SDAD1: variants seen among roughly 807,000 people sequenced by gnomAD.
SDAD1 encodes the protein protein SDA1 homolog.
SDAD1 carries 79 observed loss-of-function variants against 100.3 expected under a neutral mutation model. The ratio of observed to expected loss-of-function variants is 0.79; its 90% CI spans 0.66 to 0.95. The LOEUF (loss-of-function observed/expected upper bound fraction) is 0.95. SDAD1 is among the 40% of genes least tolerant of loss of function. The pLI is 0.00. For synonymous variants in SDAD1, 267 were observed against 271.4 expected (o/e 0.98, Z 0.16); for missense variants, 790 against 810.9 (o/e 0.97, Z 0.31).
At chr4:75,974,017 T>C (rs1275567434) in intron 7 of SDAD1, 59 bp downstream of exon 7, 3 of 1,418,576 alleles carry the variant, frequency 2.1e-6, no homozygotes, top group East Asian at 2.3e-5. Flanking sequence ...TTCTTCTAAC[T>C]GCATGCAGAA....
chr4:75,960,572 T>C (rs1303025662), intron 16 of SDAD1, among the ~76,000 whole-genome samples: 1 of 152,222 alleles, frequency 6.6e-6, no homozygotes, highest in Non-Finnish European at 1.5e-5. Flanking sequence ...CTTGTTGTGT[T>C]TTGATCTAGA....
chr4:75,965,948 AT>A, intron 12 of SDAD1, 126 bp from the exon 13 acceptor site: 1 of 692,934 alleles, frequency 1.4e-6, no homozygotes, highest in Middle Eastern at 2.7e-4. Flanking sequence ...GGAACACTCA[AT>A]CCCCAGATAT....
chr4:75,979,778 A>G (rs1730389757), intron 3 of SDAD1, among the ~76,000 whole-genome samples: 1 of 151,958 alleles, frequency 6.6e-6, no homozygotes, highest in South Asian at 2.1e-4. Flanking sequence ...TTTTTTAAAA[A>G]CCTACTAATC....
intron 14 of SDAD1, among the ~76,000 whole-genome samples, chr4:75,963,907 G>C: frequency 6.6e-6 from 1 of 152,108 alleles, no homozygotes; most frequent in Non-Finnish European, 1.5e-5. Flanking sequence ...AAGTAAAACT[G>C]CTAAAAAACA....
At chr4:75,980,558 G>A (rs1730443564) in intron 3 of SDAD1, among the ~76,000 whole-genome samples, 1 of 150,942 alleles carries the variant, frequency 6.6e-6, no homozygotes, top group South Asian at 2.1e-4. Flanking sequence ...ATTTGTTGGG[G>A]GTATGATCTC....
rs1158038278 is a variant in SDAD1, at chr4:75,971,727, C to G, written c.712-269G>C. Among the ~76,000 whole-genome samples, 7 of 152,158 alleles carry G rather than the reference C, an allele frequency of 4.6e-5. No homozygotes were observed. In the East Asian group the frequency reaches 7.8e-4, roughly 17 times the overall value. On this transcript the variant is annotated intron_variant, in intron 8 of 21. Coordinates refer to ENST00000356260, the MANE Select transcript of SDAD1 (RefSeq NM_018115.4). ...CTCTACTAAAAATACAAATACTTAG[C>G]TGGGCTTGGTGGTGCACACCTGTAA...
chr4:75,975,764 T>G lies in SDAD1; in HGVS notation c.558A>C (p.Glu186Asp). 6.2e-7 allele frequency: 1 copy of G among 1,612,812 alleles called. No individual in the cohort carries two copies. The highest frequency in any genetic ancestry group is 8.5e-7 in the Non-Finnish European group (1 of 1,178,920). The change falls in exon 6 of 22, where the codon GAA (glutamate) becomes GAC (aspartate). Residue 186 changes from glutamate to aspartate, a missense_variant. Glu to Asp is a conservative substitution (Grantham distance 45, BLOSUM62 2). Transcript: ENST00000356260. ...ACTACCAGATGTTCCTTCTGTAGAG[T>G]TCAATCATTACATCTAAAGACATCT... ...AAKMSLDVMI[E>D]LYRRNIWNDA... is the part of the protein sequence containing the mutation.
chr4:75,969,267 C>A (rs1263930382), intron 11 of SDAD1, 29 bp downstream of exon 11: 2 of 1,540,356 alleles, frequency 1.3e-6, no homozygotes, highest in Non-Finnish European at 8.9e-7. Context: ...TTCAAATATT[C>A]ACCAAGAGAA....
In SDAD1 at chr4:75,954,107, G is replaced by A. The variant is rs1012394828; in HGVS notation, c.2016+1868C>T. Reference sequence around the variant, plus strand: ...AGTACCCACGCCTGGGGCCAGGCGCGGTAGTAGCTCACGCCTGTAATCCCA... The same window carrying A: ...AGTACCCACGCCTGGGGCCAGGCGCAGTAGTAGCTCACGCCTGTAATCCCA... On this transcript the variant is annotated intron_variant, in intron 21 of 21. Transcript: ENST00000356260. Among the ~76,000 whole-genome samples the A allele has an allele frequency of 1.6e-4, 25 of 152,080 alleles. No individual in the cohort carries two copies. The South Asian group carries it at 4.6e-3, about 28-fold the overall frequency.
intron 1 of SDAD1, among the ~76,000 whole-genome samples, 200 bp from the exon 2 acceptor site, chr4:75,982,237 T>A (rs1433573292): frequency 6.6e-6 from 1 of 152,230 alleles, no homozygotes; most frequent in Non-Finnish European, 1.5e-5. Context: ...ACATCACAGA[T>A]AATCTAAAGA....
At chr4:75,959,714 T>C (rs1348715955) in intron 17 of SDAD1, among the ~76,000 whole-genome samples, 1 of 152,208 alleles carries the variant, frequency 6.6e-6, no homozygotes, top group African/African-American at 2.4e-5. Context: ...TCAACATGCA[T>C]TCTCCTTCAA....
Position 75,957,647 on chromosome 4 carries a change from G to C in SDAD1, c.1640C>G (p.Thr547Ser). Residue 547 changes from threonine (T) to serine (S), a missense_variant, in exon 19 of 22, where the codon ACT becomes AGT. Thr to Ser is a moderately conservative substitution (Grantham distance 58, BLOSUM62 1). Coordinates refer to ENST00000356260, the MANE Select transcript of SDAD1 (RefSeq NM_018115.4). Reference sequence around the variant, plus strand: ...GTCTTCCTGAGTTAAAACTCGGCTAGTGCTGATGGCTGCAGCTTTGGCCTT... The same window carrying C: ...GTCTTCCTGAGTTAAAACTCGGCTACTGCTGATGGCTGCAGCTTTGGCCTT... ...ERKAKAAAIS[T>S]SRVLTQEDFQ... 1 of 1,614,178 alleles carries C rather than the reference G, an allele frequency of 6.2e-7. No homozygotes were observed. Among genetic ancestry groups the C allele is most frequent in the Non-Finnish European group, 8.5e-7 (1 of 1,180,034 alleles).
intron 1 of SDAD1, 152 bp downstream of exon 1, chr4:75,990,596 CCCGT>C: frequency 6.6e-7 from 1 of 1,515,222 alleles, no homozygotes; most frequent in Non-Finnish European, 9.0e-7. Flanking sequence ...TAAGGCATGT[CCCGT>C]CCCCAACCCC....
In SDAD1 at chr4:75,950,728, G is replaced by A. The variant is rs755565714; in HGVS notation, c.*22C>T. ...GGACACAAACTTAGCATTCTTCTAG[G>A]AATGGAAAACTTGCCAGGAAGTTAC... On this transcript the variant is annotated 3_prime_UTR_variant, in exon 22 of 22. Transcript: ENST00000356260. The A allele has an allele frequency of 2.6e-6, 4 of 1,551,192 alleles. No homozygotes were observed. Among genetic ancestry groups the A allele is most frequent in the African/African-American group, 1.4e-5 (1 of 74,020 alleles).
At chr4:75,965,631 A>C (rs1293110839) in intron 13 of SDAD1, 133 bp downstream of exon 13, 3 of 751,048 alleles carry the variant, frequency 4.0e-6, no homozygotes, top group East Asian at 2.6e-5. Context: ...CATTTCTCAG[A>C]CCATCTGACA....
At chr4:75,970,576 C>T (rs1020659262) in intron 9 of SDAD1, among the ~76,000 whole-genome samples, 198 bp from the exon 10 acceptor site, 3 of 152,144 alleles carry the variant, frequency 2.0e-5, no homozygotes, top group Non-Finnish European at 4.4e-5. Flanking sequence ...GTGTTCCAAC[C>T]ATTAGCACCT....
At chr4:75,956,407 G>GTT (rs11315314) in intron 20 of SDAD1, among the ~76,000 whole-genome samples, 2 of 128,518 alleles carry the variant, frequency 1.6e-5, no homozygotes, top group African/African-American at 5.5e-5. Flanking sequence ...TTTTTTTTTT[G>GTT]TTTTTTTTTT....
chr4:75,980,645 G>A (rs1012986841), intron 3 of SDAD1: 3 of 152,326 alleles, frequency 2.0e-5, no homozygotes, highest in Admixed American at 6.5e-5. Flanking sequence ...CTGGAGACTA[G>A]CTTTAGTCCC....
chr4:75,982,072 T>G, intron 1 of SDAD1, 35 bp from the exon 2 acceptor site: 1 of 1,324,560 alleles, frequency 7.5e-7, no homozygotes, highest in Non-Finnish European at 1.1e-6. Flanking sequence ...TGTCACATTG[T>G]ATTACATGAC....
Sources: gnomAD v4.1 joint callset for allele counts (sites outside exome capture counted in the v4.1 genomes callset) on GRCh38, gnomAD v4.1.1 for gene constraint, MANE v1.5 for transcripts, NCBI Gene and HGNC (gene_info 2026-07-23, HGNC 2026-07-21) for gene names.